BCKDHB: variants seen among roughly 807,000 people sequenced by gnomAD.
BCKDHB encodes 2-oxoisovalerate dehydrogenase subunit beta, mitochondrial.
BCKDHB carries 41 observed loss-of-function variants against 48.5 expected under a neutral mutation model. The ratio of observed to expected loss-of-function variants is 0.85; its 90% confidence interval spans 0.66 to 1.10. The LOEUF (loss-of-function observed/expected upper bound fraction) is 1.10. BCKDHB is among the 50% of genes least tolerant of loss of function. BCKDHB has a pLI of 0.00. For synonymous variants in BCKDHB, 201 were observed against 174.8 expected, an observed-to-expected ratio of 1.15 and a Z score of -1.18; for missense variants, 496 against 494.2, an observed-to-expected ratio of 1.00 and a Z score of -0.03.
chr6:80,219,920 GTGTT>G (rs978105509), intron 8 of BCKDHB, among the ~76,000 whole-genome samples: 1 of 151,942 alleles, frequency 6.6e-6, no homozygotes, highest in African/African-American at 2.4e-5. Flanking sequence ...ATCTCTCTGT[GTGTT>G]TGTTTTTCTG....
chr6:80,307,853 T>A (rs1767955456), intron 9 of BCKDHB: 1 of 982,044 alleles, frequency 1.0e-6, no homozygotes, highest in Non-Finnish European at 1.2e-6. Flanking sequence ...TTGGACTACT[T>A]AACACTGCAA....
intron 1 of BCKDHB, among the ~76,000 whole-genome samples, chr6:80,111,030 T>C (rs1769380053): frequency 6.6e-6 from 1 of 152,182 alleles, no homozygotes. Context: ...TTAACCATAA[T>C]ATCTCTTTTT....
chr6:80,224,681 T>C (rs963453122), intron 8 of BCKDHB, among the ~76,000 whole-genome samples: 1 of 152,108 alleles, frequency 6.6e-6, no homozygotes, highest in Non-Finnish European at 1.5e-5. Context: ...ATTACAGGAG[T>C]GAGCCACTGT....
At chr6:80,387,958 A>T in the BCKDHB span, among the ~76,000 whole-genome samples, 2 of 152,176 alleles carry the variant, frequency 1.3e-5, no homozygotes, top group Non-Finnish European at 2.9e-5. Context: ...AAATTCAGGG[A>T]CCTTCTACCT....
the BCKDHB span, among the ~76,000 whole-genome samples, chr6:80,401,458 A>G: frequency 6.6e-6 from 1 of 151,730 alleles, no homozygotes; most frequent in Non-Finnish European, 1.5e-5. Flanking sequence ...GTTAAGTTAT[A>G]TGGTTTGGCT....
the BCKDHB span, among the ~76,000 whole-genome samples, chr6:80,390,100 G>C: frequency 2.0e-5 from 3 of 152,328 alleles, no homozygotes; most frequent in Non-Finnish European, 4.4e-5. Context: ...AGGAGTTACA[G>C]TGTTGGCTGG....
chr6:80,354,610 C>T, the BCKDHB span, among the ~76,000 whole-genome samples: 25 of 152,246 alleles, frequency 1.6e-4, no homozygotes, highest in Admixed American at 9.8e-4. Context: ...GAAGAGTTTT[C>T]CCTGGGTTTT....
chr6:80,284,790 T>A (rs898744162), intron 9 of BCKDHB, among the ~76,000 whole-genome samples: 2 of 152,162 alleles, frequency 1.3e-5, no homozygotes, highest in South Asian at 4.1e-4. Flanking sequence ...CCTCATTGTG[T>A]CCTGTCTTTT....
chr6:80,284,897 TC>T (rs1390829432), intron 9 of BCKDHB, among the ~76,000 whole-genome samples: 2 of 152,138 alleles, frequency 1.3e-5, no homozygotes. Flanking sequence ...CATAAAATAG[TC>T]ACCATGCCTG....
chr6:80,119,097 C>T (rs1016004082), intron 1 of BCKDHB, among the ~76,000 whole-genome samples: 2 of 152,116 alleles, frequency 1.3e-5, no homozygotes, highest in African/African-American at 2.4e-5. Flanking sequence ...TGAGACCAGC[C>T]TGGGCAGCAT....
the BCKDHB span, among the ~76,000 whole-genome samples, chr6:80,366,294 A>G: frequency 6.6e-6 from 1 of 152,214 alleles, no homozygotes; most frequent in Admixed American, 6.5e-5. Flanking sequence ...GATGCGTATC[A>G]TGGGACACAA....
chr6:80,235,387 A>T (rs1776108529), intron 8 of BCKDHB, among the ~76,000 whole-genome samples: 1 of 152,202 alleles, frequency 6.6e-6, no homozygotes, highest in Non-Finnish European at 1.5e-5. Context: ...CATAACCTAA[A>T]GGGATAGTTG....
intron 8 of BCKDHB, among the ~76,000 whole-genome samples, chr6:80,217,656 A>G (rs1775235410): frequency 6.6e-6 from 1 of 152,112 alleles, no homozygotes; most frequent in Non-Finnish European, 1.5e-5. Context: ...GCCACTTTTA[A>G]CCATTTCTGT....
chr6:80,457,304 C>G, the BCKDHB span, among the ~76,000 whole-genome samples: 1 of 152,198 alleles, frequency 6.6e-6, no homozygotes, highest in Non-Finnish European at 1.5e-5. Flanking sequence ...TCTTTAGAGG[C>G]AAGTCCCTGG....
intron 8 of BCKDHB, among the ~76,000 whole-genome samples, chr6:80,271,855 T>G (rs1211457247): frequency 1.3e-5 from 2 of 151,588 alleles, no homozygotes; most frequent in African/African-American, 4.9e-5. Context: ...CAAATCTTTT[T>G]TTTTTCATTG....
At chr6:80,383,398 T>C in the BCKDHB span, among the ~76,000 whole-genome samples, 3 of 152,092 alleles carry the variant, frequency 2.0e-5, no homozygotes, top group Non-Finnish European at 4.4e-5. Context: ...TGCCATTCAA[T>C]TTATAATTTT....
intron 9 of BCKDHB, among the ~76,000 whole-genome samples, chr6:80,280,891 G>A (rs1778165260): frequency 1.3e-5 from 2 of 152,142 alleles, no homozygotes; most frequent in South Asian, 4.1e-4. Flanking sequence ...CAGGAGTGGG[G>A]TGGGGATTGA....
At chr6:80,268,095 A>G (rs888773629) in intron 8 of BCKDHB, among the ~76,000 whole-genome samples, 1 of 151,982 alleles carries the variant, frequency 6.6e-6, no homozygotes, top group Non-Finnish European at 1.5e-5. Flanking sequence ...TGGTCCAGTC[A>G]TGTGTGGAGG....
chr6:80,461,882 A>G, the BCKDHB span, among the ~76,000 whole-genome samples: 1 of 152,200 alleles, frequency 6.6e-6, no homozygotes, highest in Non-Finnish European at 1.5e-5. Context: ...CCTGAAAATG[A>G]AGCAAAGAAA....
Sources: allele counts gnomAD v4.1 joint callset (sites outside exome capture counted in the v4.1 genomes callset), GRCh38; gene constraint gnomAD v4.1.1; transcripts MANE v1.5; gene names NCBI Gene and HGNC (gene_info 2026-07-23, HGNC 2026-07-21).